The following COL28A1 variants were observed in gnomAD, a reference collection of about 807,000 sequenced individuals.
The protein encoded by COL28A1 is collagen type XXVIII alpha 1 chain, also known as collagen alpha-1(XXVIII) chain.
A neutral mutation model predicts 150.2 loss-of-function variants in COL28A1; 161 were observed. That is an observed-to-expected ratio of 1.07 (90% CI 0.94 to 1.22). COL28A1 has a LOEUF of 1.22. COL28A1 is among the 50% of genes most tolerant of loss of function. The pLI, the probability that COL28A1 is intolerant of heterozygous loss-of-function variation, is 0.00. For missense variants in COL28A1, 1,617 were observed against 1,388.3 expected (o/e 1.16, Z -2.62); for synonymous variants, 552 against 469.7 (o/e 1.18, Z -2.26).
chr7:7,474,671 T>G lies in COL28A1; in HGVS notation c.1234-2A>C. The stretch of plus-strand genomic sequence containing the variant: ...TGGTCCTTCAGAACCTTTTTCACCC[T>G]GAAAGTACAAGGGAGGGATATCAAT... On this transcript the variant is annotated splice_acceptor_variant, in intron 14 of 34. Transcript: ENST00000399429. LOFTEE classifies it high-confidence loss of function. 7.5e-7 allele frequency: 1 copy of G among 1,329,732 alleles called. No homozygotes were observed. The highest frequency in any genetic ancestry group is 1.1e-6 in the Non-Finnish European group (1 of 920,488). 82.4% of individuals were successfully genotyped at this position (1,329,732 alleles called of 1,614,324 possible). A position where few individuals can be genotyped will look rare whatever the true frequency, so the allele number is the denominator to read the frequency against.
At chr7:7,522,762 T>G (rs570570148) in intron 4 of COL28A1, among the ~76,000 whole-genome samples, 63 of 127,176 alleles carry the variant, frequency 5.0e-4, no homozygotes, top group Non-Finnish European at 6.6e-4. Flanking sequence ...AGAATTGCCT[T>G]GGGCCACGCA....
upstream of COL28A1, among the ~76,000 whole-genome samples, chr7:7,537,433 A>G (rs557691073): frequency 6.6e-6 from 1 of 152,342 alleles, no homozygotes; most frequent in South Asian, 2.1e-4. Context: ...CAATGTTATA[A>G]CAAAATGACA....
At chr7:7,351,318 A>T (rs563851305), downstream of COL28A1, among the ~76,000 whole-genome samples, 1 of 152,302 alleles carries the variant, frequency 6.6e-6, no homozygotes, top group African/African-American at 2.4e-5. Flanking sequence ...TAATAACACA[A>T]TTATTATGAT....
At chr7:7,375,404 C>A in intron 31 of COL28A1, 57 bp downstream of exon 31, 2 of 1,474,960 alleles carry the variant, frequency 1.4e-6, no homozygotes, top group Non-Finnish European at 1.8e-6. Context: ...GTCACCAGCA[C>A]AGTACATAGT....
intron 14 of COL28A1, among the ~76,000 whole-genome samples, chr7:7,476,810 T>C (rs932144073): frequency 1.3e-5 from 2 of 152,248 alleles, no homozygotes; most frequent in Non-Finnish European, 2.9e-5. Flanking sequence ...ATTTAACTTC[T>C]GGGCATAAGG....
chr7:7,346,583 T>C, the COL28A1 span, among the ~76,000 whole-genome samples: 2 of 152,064 alleles, frequency 1.3e-5, no homozygotes, highest in African/African-American at 4.8e-5. Context: ...TCAAGCCCTT[T>C]AATATGTTCA....
chr7:7,471,049 C>T (rs1210066738), intron 15 of COL28A1, among the ~76,000 whole-genome samples: 2 of 129,794 alleles, frequency 1.5e-5, no homozygotes, highest in Non-Finnish European at 3.2e-5. Flanking sequence ...CAGCATGGCA[C>T]ATGTATACAT....
In COL28A1 at chr7:7,373,612, G is replaced by A; in HGVS notation, c.2360-66C>T. ...TTGACATCAGATTGTTGAGGGGAGG[G>A]GAGAAAAAGTCAATGATGAACCTGA... On this transcript the variant is annotated intron_variant, in intron 31 of 34. Transcript: ENST00000399429. This position sits in a 1 kb window ranked among gnomAD's most constrained non-coding sequence, Gnocchi z 4.1. The A allele has an allele frequency of 7.4e-7, 1 of 1,355,896 alleles. No individual in the cohort carries two copies. Among genetic ancestry groups the A allele is most frequent in the Non-Finnish European group, 1.0e-6 (1 of 981,372 alleles). The allele number at this position is 1,355,896 out of a possible 1,614,324, so 84.0% of individuals were successfully genotyped here. A position where few individuals can be genotyped will look rare whatever the true frequency, so the allele number is the denominator to read the frequency against.
chr7:7,381,406 T>G, intron 28 of COL28A1, 138 bp downstream of exon 28: 2 of 662,436 alleles, frequency 3.0e-6, no homozygotes, highest in Non-Finnish European at 2.7e-6. Flanking sequence ...TGCACGAGGA[T>G]TTTATTTTGA....
Position 7,511,148 on chromosome 7 carries a change from T to A in COL28A1, c.883-13A>T. On this transcript the variant is annotated splice_polypyrimidine_tract_variant and intron_variant, in intron 8 of 34. Transcript: ENST00000399429. ...CCCCACGTTCACCCTAAAAAATAAATAAGTGAAATAAATAAGAGAACACTT... is the reference window on the plus strand; with the variant it reads ...CCCCACGTTCACCCTAAAAAATAAAAAAGTGAAATAAATAAGAGAACACTT... 6.2e-7 allele frequency: 1 copy of A among 1,600,162 alleles called. No homozygotes were observed. The highest frequency in any genetic ancestry group is 8.6e-7 in the Non-Finnish European group (1 of 1,167,852).
chr7:7,514,584 T>C (rs982191556), intron 8 of COL28A1, among the ~76,000 whole-genome samples: 1 of 152,224 alleles, frequency 6.6e-6, no homozygotes, highest in African/African-American at 2.4e-5. Context: ...AGAGTGTAAG[T>C]GGAAGCCCAC....
intron 13 of COL28A1, among the ~76,000 whole-genome samples, chr7:7,477,636 G>C (rs1789011571): frequency 6.6e-6 from 1 of 152,184 alleles, no homozygotes; most frequent in Non-Finnish European, 1.5e-5. Context: ...TGGGTTAGTG[G>C]TCTCGCTGGC....
intron 31 of COL28A1, among the ~76,000 whole-genome samples, chr7:7,375,259 G>C (rs552109071): frequency 6.6e-6 from 1 of 152,306 alleles, no homozygotes; most frequent in South Asian, 2.1e-4. Flanking sequence ...ACCAGCCTGG[G>C]AAGATGATTT....
At chr7:7,490,382 A>T (rs1211123904) in intron 12 of COL28A1, among the ~76,000 whole-genome samples, 196 bp downstream of exon 12, 2 of 152,226 alleles carry the variant, frequency 1.3e-5, no homozygotes, top group African/African-American at 4.8e-5. Context: ...AACAAAATTA[A>T]AAAATACGTT....
At chr7:7,343,138 C>T in the COL28A1 span, among the ~76,000 whole-genome samples, 4 of 151,816 alleles carry the variant, frequency 2.6e-5, no homozygotes, top group Non-Finnish European at 5.9e-5. Context: ...AATTTGGTCT[C>T]GTCTTTAGTA....
chr7:7,393,642 T>C (rs114058315), intron 27 of COL28A1, among the ~76,000 whole-genome samples: 3,047 of 152,280 alleles, frequency 0.02, 99 homozygotes, highest in African/African-American at 0.07. Flanking sequence ...TTTTCAGATA[T>C]GCCCTGACCA....
intron 11 of COL28A1, among the ~76,000 whole-genome samples, chr7:7,499,129 T>A (rs1780380969): frequency 6.6e-6 from 1 of 152,188 alleles, no homozygotes; most frequent in Non-Finnish European, 1.5e-5. Flanking sequence ...TCAAAGCCTT[T>A]TCTACAGCAA....
rs573924097 is a variant in COL28A1, at chr7:7,516,883, T to G, written c.855+913A>C. ...TGCTGGTATTACAGGTATGAGTCAC[T>G]GTGCCTGGCCTGACTTTTTTTACAA... On this transcript the variant is annotated intron_variant, in intron 7 of 34. Coordinates refer to ENST00000399429, the MANE Select transcript of COL28A1 (RefSeq NM_001037763.3). 3.5e-4 allele frequency among the ~76,000 whole-genome samples: 54 copies of G among 152,284 alleles called. 1 individual carries two copies. In the South Asian group the frequency reaches 0.011, roughly 32 times the overall value.
intron 20 of COL28A1, 97 bp from the exon 21 acceptor site, chr7:7,440,958 A>T: frequency 1.5e-6 from 1 of 659,296 alleles, no homozygotes; most frequent in Non-Finnish European, 2.8e-6. Context: ...CTCGACTAAT[A>T]CCAATTTTAA....
Sources: gnomAD v4.1 joint callset for allele counts (sites outside exome capture counted in the v4.1 genomes callset) on GRCh38, gnomAD v4.1.1 for gene constraint, Gnocchi (gnomAD v3.1) non-coding constraint, MANE v1.5 for transcripts, NCBI Gene and HGNC (gene_info 2026-07-23, HGNC 2026-07-21) for gene names.